GRID2: variants seen among roughly 807,000 people sequenced by gnomAD.
The protein encoded by GRID2 is glutamate receptor ionotropic, delta-2.
Under a neutral mutation model 114.8 loss-of-function variants are expected in GRID2, and 33 were observed. The ratio of observed to expected loss-of-function variants is 0.29; its 90% confidence interval spans 0.22 to 0.38. GRID2 has a LOEUF of 0.38. GRID2 is among the 10% of genes least tolerant of loss of function. The probability of loss-of-function intolerance (pLI) is 1.00; values close to 1 mark genes in which losing one functional copy is unlikely to be tolerated. For synonymous variants in GRID2, 505 were observed against 449.9 expected, an observed-to-expected ratio of 1.12 and a Z score of -1.55; for missense variants, 1,184 against 1,257.7, an observed-to-expected ratio of 0.94 and a Z score of 0.89.
intron 2 of GRID2, among the ~76,000 whole-genome samples, chr4:92,718,590 C>T (rs1350669106): frequency 2.6e-5 from 4 of 151,404 alleles, no homozygotes; most frequent in Non-Finnish European, 5.9e-5. Flanking sequence ...ATAGAGAGAC[C>T]CCGTCTCTGC....
At chr4:92,475,863 G>T (rs1722284007) in intron 1 of GRID2, among the ~76,000 whole-genome samples, 1 of 151,374 alleles carries the variant, frequency 6.6e-6, no homozygotes. Flanking sequence ...ATAGTTTTCG[G>T]TTTACAGATC....
chr4:93,395,611 G>C lies in GRID2; in HGVS notation c.1250G>C (p.Gly417Ala). ...CAAAGTTGTCTTATCTTTCAGCTTG[G>C]TTGCTGGAATCCTGTCACAGGTCTG... is the stretch of plus-strand genomic sequence containing the variant. ...EELGRGVRKL[G>A]CWNPVTGLNG... Residue 417 changes from glycine (G) to alanine (A), a missense_variant, in exon 9 of 16, where the codon GGT (glycine) becomes GCT (alanine). Physicochemically the swap from Gly to Ala is moderately conservative, Grantham distance 60 (BLOSUM62 0). Around this residue, in one of 3 missense-constraint regions of GRID2, gnomAD observed 717 missense variants for 796.9 expected, o/e 0.90. Coordinates refer to ENST00000282020, the MANE Select transcript of GRID2 (RefSeq NM_001510.4). The C allele has an allele frequency of 6.8e-7, 1 of 1,481,102 alleles. No homozygotes were observed. 91.7% of individuals were successfully genotyped at this position (1,481,102 alleles called of 1,614,324 possible).
chr4:93,660,588 G>A (rs115234811), intron 14 of GRID2, among the ~76,000 whole-genome samples: 3,033 of 120,876 alleles, frequency 0.025, 36 homozygotes, highest in African/African-American at 0.029. Flanking sequence ...CACAACATGT[G>A]AGTAAAAAGT....
At chr4:92,948,519 T>G (rs559874080) in intron 2 of GRID2, among the ~76,000 whole-genome samples, 1 of 151,942 alleles carries the variant, frequency 6.6e-6, no homozygotes, top group Non-Finnish European at 1.5e-5. Flanking sequence ...TTTTCTCTTC[T>G]ACTTTGTATG....
intron 5 of GRID2, among the ~76,000 whole-genome samples, chr4:93,212,289 A>G (rs551935752): frequency 2.4e-4 from 37 of 152,326 alleles, no homozygotes; most frequent in Admixed American, 1.5e-3. Flanking sequence ...AATATAAATC[A>G]AAGTTGGCAT....
At chr4:93,013,590 T>C (rs1722398072) in intron 2 of GRID2, among the ~76,000 whole-genome samples, 2 of 151,994 alleles carry the variant, frequency 1.3e-5, no homozygotes, top group Non-Finnish European at 2.9e-5. Context: ...TATTAGAGGT[T>C]CGTGCTTGTC....
At chr4:92,923,487 C>T (rs534080349) in intron 2 of GRID2, among the ~76,000 whole-genome samples, 73 of 151,848 alleles carry the variant, frequency 4.8e-4, no homozygotes, top group African/African-American at 1.7e-3. Context: ...GTACTAATAC[C>T]ATATTTAATT....
intron 9 of GRID2, among the ~76,000 whole-genome samples, chr4:93,418,108 G>T (rs114508662): frequency 6.6e-6 from 1 of 151,490 alleles, no homozygotes; most frequent in African/African-American, 2.4e-5. Context: ...TTTTCAAAAT[G>T]GTTGTAAATT....
intron 2 of GRID2, among the ~76,000 whole-genome samples, chr4:92,957,093 C>T (rs1005131445): frequency 1.3e-5 from 2 of 152,000 alleles, no homozygotes; most frequent in African/African-American, 4.8e-5. Context: ...TTCTCTCAGT[C>T]TGTTGCTTGT....
chr4:93,464,413 T>C (rs574071798), intron 11 of GRID2, among the ~76,000 whole-genome samples: 2 of 152,240 alleles, frequency 1.3e-5, no homozygotes, highest in South Asian at 4.1e-4. Context: ...CTGTTAGCAT[T>C]TAGCCTAGCT....
chr4:93,348,991 A>G (rs1052407566), intron 8 of GRID2, among the ~76,000 whole-genome samples: 3 of 152,188 alleles, frequency 2.0e-5, no homozygotes, highest in African/African-American at 7.2e-5. Flanking sequence ...TAGCTTGGAT[A>G]TTCTTCTCTC....
In GRID2 at chr4:93,128,474, G is replaced by T. The variant is rs77529771; in HGVS notation, c.735+17521G>T. On this transcript the variant is annotated intron_variant, in intron 4 of 15. Coordinates refer to ENST00000282020, the MANE Select transcript of GRID2 (RefSeq NM_001510.4). Reference sequence around the variant, plus strand: ...GCTCACAAGATAGTATTTAATTATTGATATGATAAGATCACTCAATATGCT... The same window carrying T: ...GCTCACAAGATAGTATTTAATTATTTATATGATAAGATCACTCAATATGCT... 1.1e-3 allele frequency among the ~76,000 whole-genome samples: 165 copies of T among 152,252 alleles called. 7 individuals are homozygous for T. In the East Asian group the frequency reaches 0.031, roughly 29 times the overall value.
At chr4:93,761,153 C>T (rs1560982795) in intron 14 of GRID2, among the ~76,000 whole-genome samples, 2 of 152,124 alleles carry the variant, frequency 1.3e-5, no homozygotes, top group African/African-American at 4.8e-5. Flanking sequence ...ACTCTGTACT[C>T]ATTTAAAGAT....
chr4:93,188,844 T>A (rs546866089), intron 4 of GRID2, among the ~76,000 whole-genome samples: 1 of 152,316 alleles, frequency 6.6e-6, no homozygotes, highest in African/African-American at 2.4e-5. Flanking sequence ...GTCAAGTTCC[T>A]TGTCACTTAA....
At chr4:93,540,748 G>T (rs1238020401) in intron 13 of GRID2, among the ~76,000 whole-genome samples, 1 of 152,172 alleles carries the variant, frequency 6.6e-6, no homozygotes, top group African/African-American at 2.4e-5. Context: ...CACACAATCT[G>T]TCCAGGCAGG....
At chr4:93,683,334 T>C (rs916277555) in intron 14 of GRID2, among the ~76,000 whole-genome samples, 14 of 152,064 alleles carry the variant, frequency 9.2e-5, no homozygotes, top group Admixed American at 3.9e-4. Context: ...AAATACAACA[T>C]AGCAGATGCA....
At chr4:92,695,723 C>T (rs1252652260) in intron 2 of GRID2, among the ~76,000 whole-genome samples, 3 of 151,946 alleles carry the variant, frequency 2.0e-5, no homozygotes, top group African/African-American at 7.3e-5. Context: ...TGGAAATGAC[C>T]AGTGCCACTA....
intron 4 of GRID2, among the ~76,000 whole-genome samples, chr4:93,129,142 C>A (rs1734563854): frequency 1.3e-5 from 2 of 152,112 alleles, no homozygotes; most frequent in African/African-American, 4.8e-5. Flanking sequence ...ACAAATATAG[C>A]TTAACCACAC....
chr4:92,814,346 T>A (rs947432441), intron 2 of GRID2, among the ~76,000 whole-genome samples: 1 of 151,868 alleles, frequency 6.6e-6, no homozygotes, highest in Admixed American at 6.6e-5. Flanking sequence ...TAAAGAGGAG[T>A]CTAAAGAATA....
Sources: allele counts gnomAD v4.1 joint callset (sites outside exome capture counted in the v4.1 genomes callset), GRCh38; gene constraint gnomAD v4.1.1; regional missense constraint gnomAD v4.1.1; transcripts MANE v1.5; gene names NCBI Gene and HGNC (gene_info 2026-07-23, HGNC 2026-07-21).